The following MKLN1 variants were observed in gnomAD, a reference collection of about 807,000 sequenced individuals.
MKLN1 encodes the protein muskelin.
Under a neutral mutation model 99.0 loss-of-function variants are expected in MKLN1, and 18 were observed. The ratio of observed to expected loss-of-function variants is 0.18; its 90% CI spans 0.13 to 0.27. The LOEUF is 0.27. MKLN1 is among the 10% of genes least tolerant of loss of function. The pLI, the probability that MKLN1 is intolerant of heterozygous loss-of-function variation, is 1.00. For synonymous variants in MKLN1, 288 were observed against 293.2 expected (o/e 0.98, Z 0.18); for missense variants, 621 against 875.9 (o/e 0.71, Z 3.67).
At position 131,135,964 on chromosome 7, in the gene MKLN1, G is replaced by A. The variant is rs150196138; in HGVS notation, c.-418-6856G>A. 1.7e-3 allele frequency among the ~76,000 whole-genome samples: 264 copies of A among 152,306 alleles called. 1 individual carries two copies. Among genetic ancestry groups the A allele is most frequent in the African/African-American group, 5.9e-3 (245 of 41,560 alleles). On this transcript the variant is annotated intron_variant, in intron 1 of 7. Transcript: ENST00000416992. Reference sequence around the variant, plus strand: ...AGAAACAATGATGTGATTTCAGGGTGCAAAGCTTTGCGTAAGTGACAAGGG... The same window carrying A: ...AGAAACAATGATGTGATTTCAGGGTACAAAGCTTTGCGTAAGTGACAAGGG...
At chr7:131,234,538 T>C (rs1427768833) in intron 3 of MKLN1, among the ~76,000 whole-genome samples, 1 of 152,166 alleles carries the variant, frequency 6.6e-6, no homozygotes, top group Non-Finnish European at 1.5e-5. Flanking sequence ...CAGCTTGTGT[T>C]CTGGGAAGCC....
intron 1 of MKLN1, among the ~76,000 whole-genome samples, chr7:131,329,621 C>T (rs1037048908): frequency 1.3e-5 from 2 of 152,150 alleles, no homozygotes; most frequent in African/African-American, 4.8e-5. Flanking sequence ...ATTTCCAGGA[C>T]GTCACTCCTT....
intron 2 of MKLN1, among the ~76,000 whole-genome samples, chr7:131,143,636 G>C (rs138695054): frequency 5.5e-4 from 84 of 152,086 alleles, no homozygotes; most frequent in African/African-American, 1.9e-3. Context: ...GATCAGCCTG[G>C]GCAACATAGC....
Position 131,403,951 on chromosome 7 carries a change from C to T in MKLN1, c.703+4518C>T, listed in dbSNP as rs569383654. Reference sequence around the variant, plus strand: ...CTTCAATTTGTAAAAAACACAGTATCTGTGAAGCGTGGTCAAGCAAAGCAT... The same window carrying T: ...CTTCAATTTGTAAAAAACACAGTATTTGTGAAGCGTGGTCAAGCAAAGCAT... On this transcript the variant is annotated intron_variant, in intron 6 of 17. Coordinates refer to ENST00000352689, the MANE Select transcript of MKLN1 (RefSeq NM_013255.5). Among the ~76,000 whole-genome samples the T allele has an allele frequency of 4.6e-5, 7 of 152,278 alleles. No individual in the cohort carries two copies. In the East Asian group the frequency reaches 1.4e-3, roughly 29 times the overall value.
intron 2 of MKLN1, among the ~76,000 whole-genome samples, chr7:131,156,477 T>C (rs1485621152): frequency 7.5e-6 from 1 of 133,348 alleles, no homozygotes; most frequent in African/African-American, 2.8e-5. Flanking sequence ...AAAAGAAAAG[T>C]GACAGGCATT....
At chr7:131,192,228 AC>A (rs1436291794) in intron 2 of MKLN1, among the ~76,000 whole-genome samples, 2 of 75,688 alleles carry the variant, frequency 2.6e-5, no homozygotes, top group African/African-American at 6.3e-5. Context: ...TAAAATATAT[AC>A]AATATATAAA....
chr7:131,124,312 A>T (rs1795421133), intron 1 of MKLN1, among the ~76,000 whole-genome samples: 1 of 152,226 alleles, frequency 6.6e-6, no homozygotes, highest in South Asian at 2.1e-4. Context: ...ACAGACACAT[A>T]TAGAAACCCG....
chr7:131,217,024 C>G (rs1197289667), intron 3 of MKLN1, among the ~76,000 whole-genome samples: 2 of 152,094 alleles, frequency 1.3e-5, no homozygotes, highest in Non-Finnish European at 2.9e-5. Flanking sequence ...GAATAAGAAC[C>G]ATGATAGTTG....
intron 3 of MKLN1, among the ~76,000 whole-genome samples, chr7:131,297,325 C>A (rs1486965706): frequency 1.3e-5 from 2 of 152,074 alleles, no homozygotes; most frequent in African/African-American, 4.8e-5. Context: ...AGCGCCACTG[C>A]ACTCCAGTCT....
intron 3 of MKLN1, among the ~76,000 whole-genome samples, chr7:131,206,660 A>G (rs1796816393): frequency 6.6e-6 from 1 of 151,686 alleles, no homozygotes; most frequent in African/African-American, 2.4e-5. Context: ...GGTTCAAGCA[A>G]TCTTCTTGCT....
intron 2 of MKLN1, among the ~76,000 whole-genome samples, chr7:131,202,108 A>G (rs572092777): frequency 5.7e-4 from 79 of 138,124 alleles, no homozygotes; most frequent in African/African-American, 2.1e-3. Context: ...TCTAACTAAT[A>G]TATCTTTTTC....
chr7:131,229,422 A>G (rs1238086985), intron 3 of MKLN1, among the ~76,000 whole-genome samples: 2 of 152,120 alleles, frequency 1.3e-5, no homozygotes, highest in African/African-American at 4.8e-5. Context: ...TAGTTGAAAG[A>G]AATGTCTGAG....
chr7:131,167,385 A>G (rs995185966), intron 2 of MKLN1, among the ~76,000 whole-genome samples: 4 of 152,158 alleles, frequency 2.6e-5, no homozygotes, highest in Non-Finnish European at 5.9e-5. Context: ...AAATGTGGAA[A>G]AGAAGGCCAG....
chr7:131,348,089 G>C (rs1295414923), intron 1 of MKLN1, among the ~76,000 whole-genome samples: 1 of 152,126 alleles, frequency 6.6e-6, no homozygotes, highest in Non-Finnish European at 1.5e-5. Context: ...CTTGATTTCA[G>C]TTATATCACT....
intron 3 of MKLN1, among the ~76,000 whole-genome samples, chr7:131,205,655 T>C (rs1418883802): frequency 6.6e-6 from 1 of 152,138 alleles, no homozygotes; most frequent in Non-Finnish European, 1.5e-5. Flanking sequence ...GGGAAGACTC[T>C]GCTTCCAAGC....
chr7:131,149,411 G>A (rs902804290), intron 2 of MKLN1, among the ~76,000 whole-genome samples: 3 of 58,050 alleles, frequency 5.2e-5, no homozygotes, highest in Admixed American at 1.4e-4. Flanking sequence ...GATGCCCATC[G>A]AGATGGTTCT....
At chr7:131,123,312 A>T (rs1795405125) in intron 1 of MKLN1, among the ~76,000 whole-genome samples, 2 of 152,274 alleles carry the variant, frequency 1.3e-5, no homozygotes, top group African/African-American at 2.4e-5. Context: ...CTGGCCCTAC[A>T]GTCTGTCTCA....
chr7:131,383,213 ACCT>A (rs1793905279), intron 2 of MKLN1, among the ~76,000 whole-genome samples: 1 of 152,036 alleles, frequency 6.6e-6, no homozygotes, highest in East Asian at 1.9e-4. Context: ...CACAAATTAC[ACCT>A]CCTTCCAGCA....
intron 1 of MKLN1, among the ~76,000 whole-genome samples, chr7:131,346,749 A>G (rs1236151350): frequency 2.6e-5 from 4 of 152,244 alleles, no homozygotes; most frequent in Non-Finnish European, 5.9e-5. Flanking sequence ...TGATGCTCCT[A>G]GGTTATAAAA....
Sources: allele counts gnomAD v4.1 joint callset (sites outside exome capture counted in the v4.1 genomes callset), GRCh38; gene constraint gnomAD v4.1.1; transcripts MANE v1.5; gene names NCBI Gene and HGNC (gene_info 2026-07-23, HGNC 2026-07-21).